RPTOR: variants seen among roughly 807,000 people sequenced by gnomAD.
RPTOR encodes regulatory-associated protein of mTOR.
A neutral mutation model predicts 169.9 loss-of-function variants in RPTOR; 21 were observed. The ratio of observed to expected loss-of-function variants is 0.12; its 90% confidence interval spans 0.09 to 0.18. The LOEUF (loss-of-function observed/expected upper bound fraction) is 0.18, where lower values mean the gene tolerates loss of function less well. RPTOR is among the 10% of genes least tolerant of loss of function. RPTOR has a pLI of 1.00. For synonymous variants in RPTOR, 732 were observed against 753.2 expected, an observed-to-expected ratio of 0.97 and a Z score of 0.46; for missense variants, 1,133 against 1,855.9, an observed-to-expected ratio of 0.61 and a Z score of 7.16.
At chr17:80,706,070 A>G (rs1406312412) in intron 3 of RPTOR, among the ~76,000 whole-genome samples, 1 of 152,220 alleles carries the variant, frequency 6.6e-6, no homozygotes, top group East Asian at 1.9e-4. Flanking sequence ...TGTTTTTAAA[A>G]GAAAGTTTTA....
chr17:80,590,000 A>G (rs2065091511), intron 1 of RPTOR, among the ~76,000 whole-genome samples: 1 of 152,248 alleles, frequency 6.6e-6, no homozygotes, highest in South Asian at 2.1e-4. Context: ...ACCCTATTAA[A>G]TACGATTTTT....
At chr17:80,887,657 G>A (rs908235) in intron 17 of RPTOR, among the ~76,000 whole-genome samples, 23,995 of 152,144 alleles carry the variant, frequency 0.16, 2,024 homozygotes, top group Non-Finnish European at 0.19. Flanking sequence ...GGCACCCTCT[G>A]GGGTGGGAGA....
At chr17:80,718,914 C>T (rs544072609) in intron 4 of RPTOR, among the ~76,000 whole-genome samples, 3 of 152,234 alleles carry the variant, frequency 2.0e-5, no homozygotes, top group East Asian at 3.9e-4. Context: ...GGTAGAAGGC[C>T]GTCGTATACA....
intron 1 of RPTOR, among the ~76,000 whole-genome samples, chr17:80,597,968 C>T (rs773032937): frequency 2.6e-5 from 4 of 152,014 alleles, no homozygotes; most frequent in Non-Finnish European, 5.9e-5. Context: ...AGTGAAATGC[C>T]ATCTCTACAA....
chr17:80,883,603 C>G, intron 15 of RPTOR, 119 bp downstream of exon 15: 2 of 1,222,064 alleles, frequency 1.6e-6, no homozygotes, highest in South Asian at 1.2e-5. Flanking sequence ...AGGCTCTGAC[C>G]CTTCATCTAG....
In RPTOR at chr17:80,957,096, G is replaced by T. The variant is rs527637825; in HGVS notation, c.3371-528G>T. On this transcript the variant is annotated intron_variant, in intron 28 of 33. Coordinates refer to ENST00000306801, the MANE Select transcript of RPTOR (RefSeq NM_020761.3). The surrounding 1 kb of genome is among the most constrained non-coding windows in gnomAD (Gnocchi z 4.6). The stretch of plus-strand genomic sequence containing the variant: ...GAATTGTCACCCCGGCCTGGACTTG[G>T]GAGTTCCAGCTTAGAACTGTCACCC... Among the ~76,000 whole-genome samples, 36 of 150,882 alleles carry T rather than the reference G, an allele frequency of 2.4e-4. No individual in the cohort carries two copies. Among genetic ancestry groups the T allele is most frequent in the African/African-American group, 8.6e-4 (35 of 40,682 alleles).
At chr17:80,698,328 C>T (rs902989456) in intron 3 of RPTOR, among the ~76,000 whole-genome samples, 2 of 151,840 alleles carry the variant, frequency 1.3e-5, no homozygotes, top group Middle Eastern at 3.4e-3. Context: ...TCACTGACTC[C>T]TGTGGGAGCC....
intron 6 of RPTOR, among the ~76,000 whole-genome samples, chr17:80,764,125 ATTT>A (rs1273346840): frequency 1.8e-5 from 1 of 56,782 alleles, no homozygotes; most frequent in Non-Finnish European, 3.7e-5. Flanking sequence ...TTGTTATTTT[ATTT>A]TATTTTATTT....
intron 1 of RPTOR, among the ~76,000 whole-genome samples, chr17:80,566,336 A>T (rs1393959758): frequency 2.6e-5 from 4 of 152,172 alleles, no homozygotes; most frequent in African/African-American, 9.7e-5. Flanking sequence ...GCTGTTATGG[A>T]GAGGTTTCCC....
intron 13 of RPTOR, among the ~76,000 whole-genome samples, chr17:80,864,234 G>C: frequency 6.7e-6 from 1 of 150,374 alleles, no homozygotes; most frequent in African/African-American, 2.4e-5. Context: ...AAAGTCTAAA[G>C]GCAGCCAGTA....
At chr17:80,763,066 C>T (rs2066751108) in intron 6 of RPTOR, among the ~76,000 whole-genome samples, 1 of 152,188 alleles carries the variant, frequency 6.6e-6, no homozygotes, top group Admixed American at 6.5e-5. Flanking sequence ...GGCAAAACAG[C>T]ACGACCCTGT....
chr17:80,829,795 T>C (rs1226685686), intron 9 of RPTOR, among the ~76,000 whole-genome samples: 1 of 152,330 alleles, frequency 6.6e-6, no homozygotes, highest in East Asian at 1.9e-4. Context: ...AGGTCTGACA[T>C]CGTGTCTTCT....
At chr17:80,837,769 G>A (rs2067580807) in intron 9 of RPTOR, among the ~76,000 whole-genome samples, 153 bp from the exon 10 acceptor site, 1 of 152,250 alleles carries the variant, frequency 6.6e-6, no homozygotes, top group African/African-American at 2.4e-5. Context: ...CTGAACAGCA[G>A]TGAAACCGTA....
intron 1 of RPTOR, among the ~76,000 whole-genome samples, chr17:80,607,848 A>C (rs886932162): frequency 6.6e-6 from 1 of 152,094 alleles, no homozygotes; most frequent in African/African-American, 2.4e-5. Context: ...AGGTAAAAAT[A>C]TGTATACATA....
intron 33 of RPTOR, 125 bp downstream of exon 33, chr17:80,963,182 T>C: frequency 1.0e-6 from 1 of 957,746 alleles, no homozygotes; most frequent in Non-Finnish European, 1.6e-6. Flanking sequence ...ATTGGCTGCC[T>C]GAGGGAGGGA....
chr17:80,691,949 T>C (rs1273299902), intron 3 of RPTOR, among the ~76,000 whole-genome samples: 1 of 152,218 alleles, frequency 6.6e-6, no homozygotes, highest in African/African-American at 2.4e-5. Flanking sequence ...ACCAACGTAA[T>C]TACCCATTCT....
rs1470861474 is a variant in RPTOR, at chr17:80,857,820, C to T, written c.1429C>T (p.Leu477=). 1 of 1,612,296 alleles carries T rather than the reference C, an allele frequency of 6.2e-7. No homozygotes were observed. Among genetic ancestry groups the T allele is most frequent in the South Asian group, 1.1e-5 (1 of 91,086 alleles). ...GTCTGTCGGCATCTTCCCCTACGTG[C>T]TGAAGCTGCTCCAGAGCTCGGCCCG... is the stretch of plus-strand genomic sequence containing the variant. ...ALSVGIFPYV[L]KLLQSSAREL... Residue 477 remains leucine, a synonymous_variant, in exon 13 of 34, where the codon CTG becomes TTG. Transcript: ENST00000306801.
chr17:80,705,794 C>T (rs961192649), intron 3 of RPTOR, among the ~76,000 whole-genome samples: 12 of 152,140 alleles, frequency 7.9e-5, no homozygotes, highest in African/African-American at 2.2e-4. Flanking sequence ...CCGTGGCCTC[C>T]GAAATGCTGG....
intron 6 of RPTOR, among the ~76,000 whole-genome samples, chr17:80,766,026 A>G (rs1023279249): frequency 2.0e-5 from 3 of 152,214 alleles, no homozygotes; most frequent in Non-Finnish European, 4.4e-5. Flanking sequence ...AGTAAGGGCC[A>G]TCTAACATAG....
Sources: gnomAD v4.1 joint callset for allele counts (sites outside exome capture counted in the v4.1 genomes callset) on GRCh38, gnomAD v4.1.1 for gene constraint, Gnocchi (gnomAD v3.1) non-coding constraint, MANE v1.5 for transcripts, NCBI Gene and HGNC (gene_info 2026-07-23, HGNC 2026-07-21) for gene names.